MACROD2: variants seen among roughly 807,000 people sequenced by gnomAD.
The protein encoded by MACROD2 is ADP-ribose glycohydrolase MACROD2.
In MACROD2, 36 loss-of-function variants were observed where a neutral mutation model predicts 70.4. The ratio of observed to expected loss-of-function variants is 0.51; its 90% CI spans 0.39 to 0.68. The LOEUF (loss-of-function observed/expected upper bound fraction) is 0.68. MACROD2 is among the 30% of genes least tolerant of loss of function. The probability of loss-of-function intolerance (pLI) is 0.00; values close to 1 mark genes in which losing one functional copy is unlikely to be tolerated. For synonymous variants in MACROD2, 172 were observed against 178.8 expected (o/e 0.96, Z 0.30); for missense variants, 496 against 538.4 (o/e 0.92, Z 0.78).
At chr20:14,033,907 G>A (rs2148633936) in intron 2 of MACROD2, among the ~76,000 whole-genome samples, 1 of 152,056 alleles carries the variant, frequency 6.6e-6, no homozygotes, top group African/African-American at 2.4e-5. Context: ...ACTTTGTAAT[G>A]TATCATGGAA....
At chr20:15,759,099 T>C (rs2051394372) in intron 8 of MACROD2, among the ~76,000 whole-genome samples, 2 of 138,308 alleles carry the variant, frequency 1.4e-5, no homozygotes, top group African/African-American at 2.8e-5. Flanking sequence ...TGAGCCAAGA[T>C]TGCGCCACTG....
chr20:15,878,588 T>G (rs1234295397), intron 9 of MACROD2, among the ~76,000 whole-genome samples: 1 of 152,102 alleles, frequency 6.6e-6, no homozygotes, highest in Non-Finnish European at 1.5e-5. Flanking sequence ...CTGTATTAAT[T>G]ATGGTGGCTC....
intron 8 of MACROD2, among the ~76,000 whole-genome samples, chr20:15,752,555 A>C (rs1465754615): frequency 2.6e-5 from 4 of 152,092 alleles, no homozygotes; most frequent in African/African-American, 9.7e-5. Flanking sequence ...TTTCTCTATC[A>C]AAGGTCCTGA....
chr20:15,831,152 T>C (rs533282510), intron 8 of MACROD2, among the ~76,000 whole-genome samples: 1 of 152,322 alleles, frequency 6.6e-6, no homozygotes, highest in East Asian at 1.9e-4. Context: ...ACAGTGATCC[T>C]AGAGCTCCTT....
At chr20:14,434,582 T>C (rs41515148) in intron 3 of MACROD2, among the ~76,000 whole-genome samples, 2,654 of 152,298 alleles carry the variant, frequency 0.017, 70 homozygotes, top group African/African-American at 0.06. Context: ...GTTAACAACC[T>C]AAGGTGAGTC....
chr20:14,421,455 T>C (rs571386169), intron 3 of MACROD2, among the ~76,000 whole-genome samples: 1 of 152,270 alleles, frequency 6.6e-6, no homozygotes, highest in African/African-American at 2.4e-5. Flanking sequence ...AGATAGTGAG[T>C]TGCTAGGAAT....
At chr20:15,211,228 A>C (rs1025351127) in intron 5 of MACROD2, among the ~76,000 whole-genome samples, 6 of 152,194 alleles carry the variant, frequency 3.9e-5, no homozygotes, top group African/African-American at 1.4e-4. Context: ...TCCTTAACTT[A>C]GCATAAGATT....
intron 4 of MACROD2, among the ~76,000 whole-genome samples, chr20:14,672,169 G>A (rs1175144759): frequency 6.6e-6 from 1 of 152,172 alleles, no homozygotes. Flanking sequence ...TGTAAAGCTG[G>A]ACAGTTCTTT....
At chr20:15,773,373 T>G (rs2051669256) in intron 8 of MACROD2, among the ~76,000 whole-genome samples, 1 of 152,090 alleles carries the variant, frequency 6.6e-6, no homozygotes, top group South Asian at 2.1e-4. Context: ...ACAGAGATTC[T>G]AAACTTGATT....
At chr20:14,209,522 A>G (rs1354375676) in intron 3 of MACROD2, among the ~76,000 whole-genome samples, 1 of 152,218 alleles carries the variant, frequency 6.6e-6, no homozygotes. Context: ...TTAGGGTAAT[A>G]CTAGCCATGA....
intron 5 of MACROD2, among the ~76,000 whole-genome samples, chr20:14,774,026 C>A (rs2072204026): frequency 6.6e-6 from 1 of 151,948 alleles, no homozygotes; most frequent in South Asian, 2.1e-4. Flanking sequence ...GATTGTATGT[C>A]TTATCTTTAT....
intron 8 of MACROD2, among the ~76,000 whole-genome samples, chr20:15,791,358 T>C (rs1307677393): frequency 6.6e-6 from 1 of 151,896 alleles, no homozygotes; most frequent in Non-Finnish European, 1.5e-5. Context: ...TATACACTGG[T>C]TGACCAAGGT....
At chr20:14,730,783 A>T (rs575129054) in intron 5 of MACROD2, among the ~76,000 whole-genome samples, 6 of 151,574 alleles carry the variant, frequency 4.0e-5, no homozygotes, top group African/African-American at 7.3e-5. Flanking sequence ...AAAAACAGAT[A>T]AAAAAAATAC....
At chr20:15,795,130 C>T (rs1326483855) in intron 8 of MACROD2, among the ~76,000 whole-genome samples, 2 of 152,022 alleles carry the variant, frequency 1.3e-5, no homozygotes, top group African/African-American at 4.8e-5. Flanking sequence ...GGGAGTTGTG[C>T]AATTGCAACC....
chr20:14,829,342 G>A (rs190307900), intron 5 of MACROD2, among the ~76,000 whole-genome samples: 69 of 151,750 alleles, frequency 4.5e-4, no homozygotes, highest in African/African-American at 1.5e-3. Context: ...ATTTTAGCCA[G>A]GATGGTCTCA....
At chr20:14,834,539 T>C (rs2073008033) in intron 5 of MACROD2, among the ~76,000 whole-genome samples, 1 of 152,052 alleles carries the variant, frequency 6.6e-6, no homozygotes. Flanking sequence ...ATTAAGTGTA[T>C]GATGGCAATC....
At chr20:15,810,619 G>C (rs189462465) in intron 8 of MACROD2, among the ~76,000 whole-genome samples, 2 of 152,128 alleles carry the variant, frequency 1.3e-5, no homozygotes, top group South Asian at 4.1e-4. Flanking sequence ...AAAAGAGCCC[G>C]CATTGCCAAG....
intron 5 of MACROD2, among the ~76,000 whole-genome samples, chr20:15,162,116 A>G (rs2076352722): frequency 6.6e-6 from 1 of 152,060 alleles, no homozygotes; most frequent in Admixed American, 6.6e-5. Flanking sequence ...TACAGCTGAA[A>G]ACTACCTAGA....
intron 8 of MACROD2, among the ~76,000 whole-genome samples, chr20:15,548,886 G>A (rs750049911): frequency 2.0e-5 from 3 of 152,156 alleles, no homozygotes; most frequent in Non-Finnish European, 4.4e-5. Flanking sequence ...CTGACCAACT[G>A]TCCAGCTGAG....
Sources: allele counts gnomAD v4.1 joint callset (sites outside exome capture counted in the v4.1 genomes callset), GRCh38; gene constraint gnomAD v4.1.1; transcripts MANE v1.5; gene names NCBI Gene and HGNC (gene_info 2026-07-23, HGNC 2026-07-21).